The following NNT variants were observed in gnomAD, a reference collection of about 807,000 sequenced individuals.
NNT encodes nicotinamide nucleotide transhydrogenase.
Under a neutral mutation model 104.8 loss-of-function variants are expected in NNT, and 50 were observed. The ratio of observed to expected loss-of-function variants is 0.48; its 90% CI spans 0.38 to 0.60. The LOEUF (loss-of-function observed/expected upper bound fraction) is 0.60. NNT is among the 20% of genes least tolerant of loss of function. The probability of loss-of-function intolerance (pLI) is 0.00; values close to 1 mark genes in which losing one functional copy is unlikely to be tolerated. For synonymous variants in NNT, 461 were observed against 490.4 expected (o/e 0.94, Z 0.79); for missense variants, 1,131 against 1,330.7 (o/e 0.85, Z 2.33).
At chr5:43,640,435 A>G (rs1259437412) in intron 7 of NNT, among the ~76,000 whole-genome samples, 1 of 152,104 alleles carries the variant, frequency 6.6e-6, no homozygotes. Flanking sequence ...TTCAATTGGT[A>G]AGTAAGTAGG....
In NNT at chr5:43,649,316, CCT is replaced by C; in HGVS notation, c.1606+13_1606+14del. 6.2e-7 allele frequency: 1 copy of C among 1,613,812 alleles called. No individual in the cohort carries two copies. Among genetic ancestry groups the C allele is most frequent in the Non-Finnish European group, 8.5e-7 (1 of 1,179,782 alleles). ...TGACAAATGCAATCTCAGGTTTGTT[CCT>C]CTCTTGTTTTTCCTCATCTCAGGTT... On this transcript the variant is annotated intron_variant, in intron 11 of 21. Transcript: ENST00000344920.
At chr5:43,684,018 AC>A (rs1056721403) in intron 19 of NNT, among the ~76,000 whole-genome samples, 9 of 152,158 alleles carry the variant, frequency 5.9e-5, no homozygotes, top group African/African-American at 2.2e-4. Flanking sequence ...TGATGTTTGC[AC>A]CAGACCATCT....
intron 17 of NNT, among the ~76,000 whole-genome samples, chr5:43,671,857 C>T (rs149178790): frequency 0.013 from 1,995 of 152,228 alleles, 20 homozygotes; most frequent in African/African-American, 0.04. Flanking sequence ...GAAGTTCTCC[C>T]GGATAATATC....
chr5:43,631,213 G>C (rs1477682476), intron 7 of NNT, among the ~76,000 whole-genome samples: 1 of 152,196 alleles, frequency 6.6e-6, no homozygotes, highest in Non-Finnish European at 1.5e-5. Flanking sequence ...GGGAGCATCT[G>C]TAAGTGTAGG....
chr5:43,649,355 A>G, intron 11 of NNT, 47 bp downstream of exon 11: 2 of 1,602,580 alleles, frequency 1.2e-6, no homozygotes, highest in Non-Finnish European at 1.7e-6. Context: ...TCATAGGGTT[A>G]CTCAGCTCTA....
intron 16 of NNT, among the ~76,000 whole-genome samples, chr5:43,658,815 C>T (rs897646763): frequency 6.6e-6 from 1 of 152,206 alleles, no homozygotes; most frequent in Admixed American, 6.5e-5. Flanking sequence ...ATTTCCTTAA[C>T]TGGTACCAAC....
At chr5:43,656,421 T>G (rs1740050453) in intron 15 of NNT, among the ~76,000 whole-genome samples, 1 of 152,190 alleles carries the variant, frequency 6.6e-6, no homozygotes, top group African/African-American at 2.4e-5. Flanking sequence ...TTATTGATAC[T>G]TAGTAAGTCT....
intron 2 of NNT, among the ~76,000 whole-genome samples, chr5:43,612,429 T>C (rs1055224901): frequency 2.0e-5 from 3 of 152,196 alleles, no homozygotes; most frequent in Admixed American, 2.0e-4. Flanking sequence ...TATGAGGCAT[T>C]GTGTGTGGCC....
intron 10 of NNT, chr5:43,647,880 T>C (rs1025706831): frequency 3.7e-5 from 17 of 454,116 alleles, no homozygotes; most frequent in Admixed American, 2.4e-5. Flanking sequence ...CATTTATTTT[T>C]TACAAGAATT....
chr5:43,673,711 G>A (rs935277706), intron 17 of NNT, among the ~76,000 whole-genome samples: 14 of 152,142 alleles, frequency 9.2e-5, no homozygotes, highest in Non-Finnish European at 1.6e-4. Context: ...GCTAGGGATT[G>A]TGAACTTAAT....
Position 43,612,986 on chromosome 5 carries a change from C to A in NNT, c.230C>A (p.Ala77Asp). ...GAGAAGCGAGTGGCATTGTCTCCTG[C>A]TGGTGTTCAGAACTTGGTCAAGCAG... The part of the protein sequence containing the change: ...QNEKRVALSP[A>D]GVQNLVKQGF... Residue 77 changes from alanine (A) to aspartate (D), a missense_variant, in exon 3 of 22, where the codon GCT becomes GAT. Ala to Asp is a moderately radical substitution (Grantham distance 126). Coordinates refer to ENST00000344920, the MANE Select transcript of NNT (RefSeq NM_182977.3). The A allele has an allele frequency of 1.9e-6, 3 of 1,614,100 alleles. No homozygotes were observed. The highest frequency in any genetic ancestry group is 2.5e-6 in the Non-Finnish European group (3 of 1,180,008).
intron 7 of NNT, among the ~76,000 whole-genome samples, chr5:43,629,448 A>G (rs1462617107): frequency 2.6e-5 from 4 of 152,160 alleles, no homozygotes; most frequent in African/African-American, 4.8e-5. Context: ...TGTGTATGCA[A>G]TGTCTTTTCT....
At chr5:43,645,615 A>G (rs1449813488) in intron 10 of NNT, 105 bp downstream of exon 10, 1 of 418,838 alleles carries the variant, frequency 2.4e-6, no homozygotes, top group Non-Finnish European at 3.7e-6. Flanking sequence ...GTATATATAG[A>G]TATATATACA....
At chr5:43,677,633 A>C (rs1741487637) in intron 18 of NNT, 92 bp from the exon 19 acceptor site, 1 of 1,131,816 alleles carries the variant, frequency 8.8e-7, no homozygotes, top group Admixed American at 1.7e-5. Context: ...CTCTGTTGGC[A>C]TAAACATGTG....
chr5:43,625,074 A>T (rs1329040256), intron 6 of NNT, among the ~76,000 whole-genome samples: 1 of 152,172 alleles, frequency 6.6e-6, no homozygotes, highest in Non-Finnish European at 1.5e-5. Context: ...GACACAAACC[A>T]AGGATAGCTA....
At chr5:43,662,766 G>A (rs1011671952) in intron 17 of NNT, among the ~76,000 whole-genome samples, 2 of 152,046 alleles carry the variant, frequency 1.3e-5, no homozygotes, top group Non-Finnish European at 2.9e-5. Context: ...GGTGGCACAT[G>A]CCTATAGTCC....
intron 19 of NNT, among the ~76,000 whole-genome samples, chr5:43,680,605 C>T (rs1005757227): frequency 6.6e-5 from 10 of 152,342 alleles, no homozygotes; most frequent in African/African-American, 1.9e-4. Context: ...GTCATACAGT[C>T]TGTCTGGCTT....
At chr5:43,684,390 G>GA (rs1486449546) in intron 19 of NNT, among the ~76,000 whole-genome samples, 1 of 151,824 alleles carries the variant, frequency 6.6e-6, no homozygotes, top group Non-Finnish European at 1.5e-5. Flanking sequence ...TTTTCACTAT[G>GA]AATTATATGA....
chr5:43,659,209 G>A lies in NNT; in HGVS notation c.2493G>A (p.Met831Ile). ...TLTAAIGGAD[M>I]PVVITVLNSY... ...CAGCTGCTATTGGGGGTGCTGACATGCCCGTCGTTATCACTGTGCTGAACA... is the reference window on the plus strand; with the variant it reads ...CAGCTGCTATTGGGGGTGCTGACATACCCGTCGTTATCACTGTGCTGAACA... The change falls in exon 17 of 22, where the codon ATG (methionine) becomes ATA (isoleucine). Residue 831 changes from methionine (M) to isoleucine (I), a missense_variant. By Grantham distance (10) the Met-to-Ile change is conservative. Coordinates refer to ENST00000344920, the MANE Select transcript of NNT (RefSeq NM_182977.3). The A allele has an allele frequency of 6.2e-6, 10 of 1,613,278 alleles. No individual in the cohort carries two copies. The highest frequency in any genetic ancestry group is 8.5e-6 in the Non-Finnish European group (10 of 1,179,586).
Sources: allele counts gnomAD v4.1 joint callset (sites outside exome capture counted in the v4.1 genomes callset), GRCh38; gene constraint gnomAD v4.1.1; transcripts MANE v1.5; gene names NCBI Gene and HGNC (gene_info 2026-07-23, HGNC 2026-07-21).